The following BICC1 variants were observed in gnomAD, a reference collection of about 807,000 sequenced individuals.
The protein encoded by BICC1 is BicC family RNA binding protein 1, also known as protein bicaudal C homolog 1.
A neutral mutation model predicts 111.0 loss-of-function variants in BICC1; 43 were observed. The observed-to-expected ratio is 0.39, with a 90% CI of 0.30 to 0.50. The LOEUF (loss-of-function observed/expected upper bound fraction) is 0.50. BICC1 is among the 20% of genes least tolerant of loss of function. The pLI, the probability that BICC1 is intolerant of heterozygous loss-of-function variation, is 0.88. For synonymous variants in BICC1, 467 were observed against 434.4 expected (o/e 1.07, Z -0.93); for missense variants, 1,091 against 1,203.2 (o/e 0.91, Z 1.38).
At chr10:58,805,733 T>G (rs1843691298) in intron 15 of BICC1, among the ~76,000 whole-genome samples, 1 of 152,222 alleles carries the variant, frequency 6.6e-6, no homozygotes, top group African/African-American at 2.4e-5. Flanking sequence ...GTATAGTCTT[T>G]CTGGTTAAAG....
intron 3 of BICC1, among the ~76,000 whole-genome samples, chr10:58,730,418 G>T (rs952368304): frequency 6.6e-6 from 1 of 152,136 alleles, no homozygotes; most frequent in Non-Finnish European, 1.5e-5. Context: ...AGTGCCTGTG[G>T]CTTTTCCAGT....
chr10:58,779,450 G>A (rs993593853), intron 3 of BICC1, among the ~76,000 whole-genome samples: 4 of 152,182 alleles, frequency 2.6e-5, no homozygotes, highest in East Asian at 1.9e-4. Context: ...CCAGATTTAG[G>A]CTAGTTTAAG....
chr10:58,565,605 A>T (rs1462297570), intron 1 of BICC1, among the ~76,000 whole-genome samples: 1 of 152,054 alleles, frequency 6.6e-6, no homozygotes, highest in Non-Finnish European at 1.5e-5. Context: ...GGAAAACCAA[A>T]ATACTTAACT....
intron 3 of BICC1, among the ~76,000 whole-genome samples, chr10:58,783,388 C>G (rs1589133925): frequency 1.3e-5 from 2 of 152,104 alleles, no homozygotes; most frequent in South Asian, 4.2e-4. Flanking sequence ...CTTCCTCCCT[C>G]TTTTTTGGTG....
At position 58,767,219 on chromosome 10, in the gene BICC1, G is replaced by C. The variant is rs144068336; in HGVS notation, c.308-17782G>C. Reference sequence around the variant, plus strand: ...AGTCAGTTGGCTTGACTCTGGGATTGGAGGAAGGTACATAAACTGAGCATT... The same window carrying C: ...AGTCAGTTGGCTTGACTCTGGGATTCGAGGAAGGTACATAAACTGAGCATT... On this transcript the variant is annotated intron_variant, in intron 3 of 20. Coordinates refer to ENST00000373886, the MANE Select transcript of BICC1 (RefSeq NM_001080512.3). Among the ~76,000 whole-genome samples the C allele has an allele frequency of 8.3e-3, 1,262 of 152,204 alleles. 24 individuals carry two copies. The highest frequency in any genetic ancestry group is 0.029 in the African/African-American group (1,193 of 41,526).
At chr10:58,819,383 T>C (rs1181570929) in intron 19 of BICC1, among the ~76,000 whole-genome samples, 1 of 152,218 alleles carries the variant, frequency 6.6e-6, no homozygotes, top group Non-Finnish European at 1.5e-5. Flanking sequence ...TTCAATATCA[T>C]TTAATGAAAA....
At chr10:58,796,250 A>C in intron 9 of BICC1, 90 bp from the exon 10 acceptor site, 1 of 1,054,312 alleles carries the variant, frequency 9.5e-7, no homozygotes, top group Non-Finnish European at 1.4e-6. Flanking sequence ...AATTCTTATT[A>C]GCGTATTCAT....
chr10:58,587,741 C>T (rs768393098), intron 1 of BICC1, among the ~76,000 whole-genome samples: 1 of 152,044 alleles, frequency 6.6e-6, no homozygotes, highest in Non-Finnish European at 1.5e-5. Flanking sequence ...GATAAAGTGG[C>T]GGAGTAGTAT....
intron 2 of BICC1, among the ~76,000 whole-genome samples, chr10:58,657,356 A>G (rs2132274845): frequency 6.6e-6 from 1 of 152,264 alleles, no homozygotes; most frequent in South Asian, 2.1e-4. Flanking sequence ...ATAGTCAGGT[A>G]AAGGTAAGGA....
At chr10:58,553,962 T>C (rs377699783) in intron 1 of BICC1, among the ~76,000 whole-genome samples, 1 of 152,178 alleles carries the variant, frequency 6.6e-6, no homozygotes, top group Non-Finnish European at 1.5e-5. Context: ...TGGTGACTTA[T>C]AGAACTAAAA....
At chr10:58,738,583 T>C (rs1841551637) in intron 3 of BICC1, among the ~76,000 whole-genome samples, 1 of 151,162 alleles carries the variant, frequency 6.6e-6, no homozygotes, top group Non-Finnish European at 1.5e-5. Context: ...TCTTTTTTGG[T>C]TCCATATGAA....
At chr10:58,621,805 C>T (rs192320690) in intron 2 of BICC1, among the ~76,000 whole-genome samples, 64 of 151,812 alleles carry the variant, frequency 4.2e-4, no homozygotes, top group Non-Finnish European at 8.1e-4. Flanking sequence ...GGCTGAGGCA[C>T]GAGAGTCACT....
chr10:58,815,327 A>C (rs1422450763), intron 18 of BICC1, among the ~76,000 whole-genome samples: 1 of 152,202 alleles, frequency 6.6e-6, no homozygotes, highest in Admixed American at 6.5e-5. Flanking sequence ...TTCATTCCTA[A>C]GTACACTGTC....
At chr10:58,730,794 C>G (rs1026023663) in intron 3 of BICC1, among the ~76,000 whole-genome samples, 2 of 152,104 alleles carry the variant, frequency 1.3e-5, no homozygotes, top group African/African-American at 4.8e-5. Context: ...AGGGCTGCAG[C>G]TGGGGCAACA....
At chr10:58,653,949 G>C in intron 2 of BICC1, among the ~76,000 whole-genome samples, 1 of 151,164 alleles carries the variant, frequency 6.6e-6, no homozygotes. Context: ...TTTTGTTCTT[G>C]TGATAGTTTA....
chr10:58,635,637 C>A (rs1338508291), intron 2 of BICC1, among the ~76,000 whole-genome samples: 1 of 152,160 alleles, frequency 6.6e-6, no homozygotes, highest in Non-Finnish European at 1.5e-5. Flanking sequence ...CATTGCCTTC[C>A]AGGTAAAATT....
chr10:58,775,252 T>C (rs1344813018), intron 3 of BICC1, among the ~76,000 whole-genome samples: 1 of 152,054 alleles, frequency 6.6e-6, no homozygotes, highest in Non-Finnish European at 1.5e-5. Flanking sequence ...CGTGCACCTG[T>C]AGACCCAGCA....
intron 2 of BICC1, among the ~76,000 whole-genome samples, chr10:58,687,592 G>A (rs980451749): frequency 7.2e-5 from 11 of 152,266 alleles, no homozygotes; most frequent in South Asian, 2.1e-4. Flanking sequence ...CCCCAGCCTC[G>A]CTGCCACCTT....
intron 17 of BICC1, among the ~76,000 whole-genome samples, chr10:58,812,746 G>A (rs1334188545): frequency 6.6e-6 from 1 of 152,076 alleles, no homozygotes; most frequent in Non-Finnish European, 1.5e-5. Context: ...CCAAAGTGCT[G>A]GAATTACAGG....
Sources: gnomAD v4.1 joint callset for allele counts (sites outside exome capture counted in the v4.1 genomes callset) on GRCh38, gnomAD v4.1.1 for gene constraint, MANE v1.5 for transcripts, NCBI Gene and HGNC (gene_info 2026-07-23, HGNC 2026-07-21) for gene names.